ANKRD28: variants seen among roughly 807,000 people sequenced by gnomAD.
ANKRD28 encodes the protein ankyrin repeat domain 28, also known as serine/threonine-protein phosphatase 6 regulatory ankyrin repeat subunit A.
Under a neutral mutation model 126.5 loss-of-function variants are expected in ANKRD28, and 44 were observed. The ratio of observed to expected loss-of-function variants is 0.35; its 90% CI spans 0.27 to 0.45. The LOEUF (loss-of-function observed/expected upper bound fraction) is 0.45, where lower values mean the gene tolerates loss of function less well. ANKRD28 is among the 20% of genes least tolerant of loss of function. The pLI, the probability that ANKRD28 is intolerant of heterozygous loss-of-function variation, is 1.00. For synonymous variants in ANKRD28, 442 were observed against 468.5 expected (o/e 0.94, Z 0.73); for missense variants, 1,110 against 1,316.6 (o/e 0.84, Z 2.43).
chr3:15,686,957 T>C (rs2068198731), intron 18 of ANKRD28, among the ~76,000 whole-genome samples: 2 of 151,922 alleles, frequency 1.3e-5, no homozygotes, highest in South Asian at 4.2e-4. Context: ...TTTTTTTTTT[T>C]TTTTGAGACA....
intron 1 of ANKRD28, among the ~76,000 whole-genome samples, chr3:15,855,303 C>A (rs1312096247): frequency 1.3e-5 from 2 of 152,070 alleles, no homozygotes; most frequent in Non-Finnish European, 2.9e-5. Context: ...CCATCCAACA[C>A]CTTTCTCACT....
chr3:15,714,616 T>C lies in ANKRD28; in HGVS notation c.1037A>G (p.His346Arg), dbSNP rs2072779254. 1 of 1,599,682 alleles carries C rather than the reference T, an allele frequency of 6.3e-7. No individual in the cohort carries two copies. The highest frequency in any genetic ancestry group is 8.5e-7 in the Non-Finnish European group (1 of 1,175,322). ...GKTPLHMTAL[H>R]GRFSRSQTII... ...GGTTTGTGATCGGGAGAATCTACCG[T>C]GGAGAGCAGTCATGTGTAGTGGGGT... Residue 346 changes from histidine (H) to arginine (R), a missense_variant, in exon 9 of 28, where the codon CAC becomes CGC. By Grantham distance (29) the His-to-Arg change is conservative. Coordinates refer to ENST00000683139, the MANE Select transcript of ANKRD28 (RefSeq NM_001349278.2).
chr3:15,786,615 T>C (rs2059791947), intron 2 of ANKRD28, among the ~76,000 whole-genome samples: 1 of 152,110 alleles, frequency 6.6e-6, no homozygotes, highest in Non-Finnish European at 1.5e-5. Flanking sequence ...TGCAGTTTAT[T>C]ATACATCGAT....
rs542333949 is a variant in ANKRD28 at position 15,793,842 on chromosome 3, G to A, written c.201+1381C>T. Among the ~76,000 whole-genome samples, 91 of 152,272 alleles carry A rather than the reference G, an allele frequency of 6.0e-4. 1 individual carries two copies. The highest frequency in any genetic ancestry group is 1.1e-3 in the Non-Finnish European group (75 of 68,000). ...GCACTTTGGGAGGCCAAGGCGGGCC[G>A]ATCACCTGAGATCAGGAGTTTGAGA... On this transcript the variant is annotated intron_variant, in intron 2 of 27. Transcript: ENST00000683139.
intron 17 of ANKRD28, among the ~76,000 whole-genome samples, chr3:15,692,440 A>G (rs2068933595): frequency 6.6e-6 from 1 of 152,240 alleles, no homozygotes; most frequent in Admixed American, 6.5e-5. Flanking sequence ...ACAGAGTGAG[A>G]CAATGAAAAA....
At chr3:15,741,413 G>A (rs1292525390) in intron 4 of ANKRD28, among the ~76,000 whole-genome samples, 1 of 152,032 alleles carries the variant, frequency 6.6e-6, no homozygotes, top group Non-Finnish European at 1.5e-5. Context: ...AAATAATGTG[G>A]GGATAACTAA....
At position 15,775,034 on chromosome 3, in the gene ANKRD28, G is replaced by A. The variant is rs767950468; in HGVS notation, c.202-8722C>T. Among the ~76,000 whole-genome samples, 132 of 115,858 alleles carry A rather than the reference G, an allele frequency of 1.1e-3. 6 individuals carry two copies. Among genetic ancestry groups the A allele is most frequent in the East Asian group, 2.0e-3 (2 of 1,010 alleles). 76.0% of individuals were successfully genotyped at this position (115,858 alleles called of 152,430 possible). ...TGGGACTACAGGTGCCCACCACCAC[G>A]CCTGGCTAACTTTTGTATCTTTAGT... On this transcript the variant is annotated intron_variant, in intron 2 of 27. Coordinates refer to ENST00000683139, the MANE Select transcript of ANKRD28 (RefSeq NM_001349278.2).
chr3:15,804,515 G>T (rs1308990528), intron 1 of ANKRD28, among the ~76,000 whole-genome samples: 1 of 145,502 alleles, frequency 6.9e-6, no homozygotes, highest in African/African-American at 2.6e-5. Context: ...TCAGAAAATG[G>T]TTGAAGATTC....
upstream of ANKRD28, among the ~76,000 whole-genome samples, chr3:15,798,963 T>C (rs1029688106): frequency 1.3e-5 from 2 of 152,162 alleles, no homozygotes; most frequent in Admixed American, 6.6e-5. Flanking sequence ...TCTCATTTAA[T>C]ACAATAACCT....
chr3:15,850,115 GC>G (rs2061605486), intron 1 of ANKRD28, among the ~76,000 whole-genome samples: 1 of 149,666 alleles, frequency 6.7e-6, no homozygotes, highest in Non-Finnish European at 1.5e-5. Context: ...TGATACAGAT[GC>G]CAAGACAATT....
At chr3:15,840,470 A>T (rs1260819506) in intron 1 of ANKRD28, among the ~76,000 whole-genome samples, 1 of 152,218 alleles carries the variant, frequency 6.6e-6, no homozygotes, top group Non-Finnish European at 1.5e-5. Flanking sequence ...GCCAACAGCA[A>T]TCTATAGATT....
chr3:15,850,466 C>T (rs976671800), intron 1 of ANKRD28, among the ~76,000 whole-genome samples: 4 of 151,968 alleles, frequency 2.6e-5, no homozygotes, highest in African/African-American at 9.7e-5. Flanking sequence ...ATCAAGGTGA[C>T]CTTCTGAACA....
At chr3:15,703,159 T>G (rs903196269) in intron 14 of ANKRD28, among the ~76,000 whole-genome samples, 6 of 152,186 alleles carry the variant, frequency 3.9e-5, no homozygotes, top group Non-Finnish European at 7.4e-5. Flanking sequence ...ACAAAAAAAT[T>G]TAAAGATTGA....
In ANKRD28 at chr3:15,725,169, A is replaced by T. The variant is rs1004327241; in HGVS notation, c.641-645T>A. ...AAAAAAATTAAAAATGCAGTACAAC[A>T]ACTATTTACATTGTATTAGGTATTA... On this transcript the variant is annotated intron_variant, in intron 6 of 27. Coordinates refer to ENST00000683139, the MANE Select transcript of ANKRD28 (RefSeq NM_001349278.2). Among the ~76,000 whole-genome samples the T allele has an allele frequency of 2.6e-5, 4 of 152,230 alleles. No individual in the cohort carries two copies. In the South Asian group the frequency reaches 6.2e-4, roughly 24 times the overall value.
intron 1 of ANKRD28, among the ~76,000 whole-genome samples, chr3:15,837,779 C>T (rs1363976188): frequency 6.8e-6 from 1 of 147,402 alleles, no homozygotes; most frequent in Non-Finnish European, 1.5e-5. Flanking sequence ...AAAAAACAAT[C>T]AATATTAGAG....
intron 6 of ANKRD28, 110 bp from the exon 7 acceptor site, chr3:15,724,634 G>T: frequency 1.0e-6 from 1 of 980,784 alleles, no homozygotes; most frequent in Non-Finnish European, 1.5e-6. Context: ...GATGATGCAT[G>T]ACAAGTCATC....
In ANKRD28 at chr3:15,830,902, G is replaced by A. The variant is rs139229730; in HGVS notation, c.27+28475C>T. ...TGTGGTCAACCATACCTATGTGACTGACTTCTCAATAAAAACTCTGGACAG... is the reference window on the plus strand; with the variant it reads ...TGTGGTCAACCATACCTATGTGACTAACTTCTCAATAAAAACTCTGGACAG... On this transcript the variant is annotated intron_variant, in intron 1 of 27. Transcript: ENST00000399451. This position sits in a 1 kb window ranked among gnomAD's most constrained non-coding sequence, Gnocchi z 4.5. Among the ~76,000 whole-genome samples, 1 of 152,206 alleles carries A rather than the reference G, an allele frequency of 6.6e-6. No individual in the cohort carries two copies. The highest frequency in any genetic ancestry group is 2.1e-4 in the South Asian group (1 of 4,808).
intron 16 of ANKRD28, 55 bp from the exon 17 acceptor site, chr3:15,694,868 T>G (rs2069312234): frequency 6.6e-7 from 1 of 1,504,548 alleles, no homozygotes; most frequent in Non-Finnish European, 9.2e-7. Flanking sequence ...GCAATTATTC[T>G]CTCCCACCCA....
At chr3:15,761,364 ATTT>A in intron 3 of ANKRD28, among the ~76,000 whole-genome samples, 1 of 152,254 alleles carries the variant, frequency 6.6e-6, no homozygotes, top group East Asian at 1.9e-4. Context: ...CTCTTCATGT[ATTT>A]TTTTCTCATC....
Sources: gnomAD v4.1 joint callset for allele counts (sites outside exome capture counted in the v4.1 genomes callset) on GRCh38, gnomAD v4.1.1 for gene constraint, Gnocchi (gnomAD v3.1) non-coding constraint, MANE v1.5 for transcripts, NCBI Gene and HGNC (gene_info 2026-07-23, HGNC 2026-07-21) for gene names.